PLXDC2: variants seen among roughly 807,000 people sequenced by gnomAD.
PLXDC2 encodes the protein plexin domain containing 2.
In PLXDC2, 40 loss-of-function variants were observed where a neutral mutation model predicts 68.9. The observed-to-expected ratio is 0.58, with a 90% confidence interval of 0.45 to 0.76. PLXDC2 has a LOEUF of 0.76. Ranked by LOEUF, PLXDC2 falls within the 30% of genes least tolerant of loss-of-function variation. The pLI, the probability that PLXDC2 is intolerant of heterozygous loss-of-function variation, is 0.00. For synonymous variants in PLXDC2, 243 were observed against 234.2 expected, an observed-to-expected ratio of 1.04 and a Z score of -0.34; for missense variants, 644 against 661.9, an observed-to-expected ratio of 0.97 and a Z score of 0.30.
intron 1 of PLXDC2, among the ~76,000 whole-genome samples, chr10:19,841,422 G>A (rs1052023783): frequency 6.6e-6 from 1 of 151,772 alleles, no homozygotes; most frequent in Non-Finnish European, 1.5e-5. Flanking sequence ...AGTTATGAAG[G>A]CAATTCTGTT....
chr10:20,222,471 A>G (rs1433514575), intron 12 of PLXDC2, among the ~76,000 whole-genome samples: 1 of 152,204 alleles, frequency 6.6e-6, no homozygotes, highest in Non-Finnish European at 1.5e-5. Flanking sequence ...ATACATTTAT[A>G]TTAGGTCCAG....
At chr10:20,071,896 A>G (rs1836321989) in intron 4 of PLXDC2, among the ~76,000 whole-genome samples, 1 of 152,190 alleles carries the variant, frequency 6.6e-6, no homozygotes. Flanking sequence ...GAGAAGGAAG[A>G]GGCATTCCAG....
chr10:19,965,163 G>A (rs1589559799), intron 1 of PLXDC2, among the ~76,000 whole-genome samples: 1 of 152,110 alleles, frequency 6.6e-6, no homozygotes, highest in Admixed American at 6.5e-5. Flanking sequence ...CTTTGCTTGA[G>A]GGTGCTATTA....
intron 4 of PLXDC2, among the ~76,000 whole-genome samples, chr10:20,103,900 C>G (rs1222246691): frequency 6.6e-6 from 1 of 152,134 alleles, no homozygotes; most frequent in Admixed American, 6.5e-5. Context: ...GCCTTGGCCG[C>G]CCAAAGTGCT....
At chr10:19,864,327 G>A (rs967830539) in intron 1 of PLXDC2, among the ~76,000 whole-genome samples, 2 of 152,068 alleles carry the variant, frequency 1.3e-5, no homozygotes, top group African/African-American at 2.4e-5. Flanking sequence ...TTGAATATAA[G>A]AAAGAATGAT....
chr10:20,186,509 ATC>A (rs1834685093), intron 9 of PLXDC2, among the ~76,000 whole-genome samples: 1 of 151,868 alleles, frequency 6.6e-6, no homozygotes, highest in South Asian at 2.1e-4. Flanking sequence ...TTATTTTGTC[ATC>A]CAGGTACTAA....
intron 12 of PLXDC2, among the ~76,000 whole-genome samples, chr10:20,241,350 C>G (rs889451931): frequency 6.6e-6 from 1 of 152,168 alleles, no homozygotes; most frequent in Non-Finnish European, 1.5e-5. Flanking sequence ...TTAAGTGAAA[C>G]ATGACCCTTG....
Position 20,217,579 on chromosome 10 carries a change from A to G in PLXDC2, c.1273+3A>G. 1 of 1,311,708 alleles carries G rather than the reference A, an allele frequency of 7.6e-7. No homozygotes were observed. Among genetic ancestry groups the G allele is most frequent in the Non-Finnish European group, 1.0e-6 (1 of 969,828 alleles). 81.3% of individuals were successfully genotyped at this position (1,311,708 alleles called of 1,614,324 possible). On this transcript the variant is annotated splice_donor_region_variant and intron_variant, in intron 11 of 13. Coordinates refer to ENST00000377252, the MANE Select transcript of PLXDC2 (RefSeq NM_032812.9). ...TCCCACCAGCCTCCCTACAGAAGGT[A>G]CCCAAGAGATAGTTTGCTTTTTTTT... is the stretch of plus-strand genomic sequence containing the variant.
rs1014971903 is a variant in PLXDC2 at position 20,067,506 on chromosome 10, C to T, written c.472-664C>T. 4.0e-5 allele frequency among the ~76,000 whole-genome samples: 6 copies of T among 151,784 alleles called. No homozygotes were observed. The East Asian group carries it at 5.8e-4, about 15-fold the overall frequency. ...TTCGAGACCAGCCCGGCCAACATGGCGAAACCCCATCTCTACTAAAAATAC... is the reference window on the plus strand; with the variant it reads ...TTCGAGACCAGCCCGGCCAACATGGTGAAACCCCATCTCTACTAAAAATAC... On this transcript the variant is annotated intron_variant, in intron 3 of 13. Coordinates refer to ENST00000377252, the MANE Select transcript of PLXDC2 (RefSeq NM_032812.9).
intron 7 of PLXDC2, among the ~76,000 whole-genome samples, chr10:20,172,325 G>A (rs142166416): frequency 2.5e-4 from 38 of 151,048 alleles, no homozygotes; most frequent in African/African-American, 8.5e-4. Flanking sequence ...AGGGAGGCAT[G>A]TTCCCCTGCA....
intron 13 of PLXDC2, among the ~76,000 whole-genome samples, chr10:20,267,544 C>G (rs1835886609): frequency 6.6e-6 from 1 of 152,124 alleles, no homozygotes; most frequent in South Asian, 2.1e-4. Context: ...AATTTGCTGA[C>G]TCTCCCAAGC....
At position 19,952,423 on chromosome 10, in the gene PLXDC2, T is replaced by A. The variant is rs139463271; in HGVS notation, c.113-49352T>A. 2.9e-3 allele frequency among the ~76,000 whole-genome samples: 448 copies of A among 152,320 alleles called. 1 individual carries two copies. Among genetic ancestry groups the A allele is most frequent in the African/African-American group, 0.01 (426 of 41,566 alleles). ...AAGTAATGAAAATCAACCGTCTAAA[T>A]TCATTCAACCTTAATTGAATAAATA... On this transcript the variant is annotated intron_variant, in intron 1 of 13. Transcript: ENST00000377252.
intron 13 of PLXDC2, among the ~76,000 whole-genome samples, chr10:20,250,190 C>T (rs1020061780): frequency 6.7e-6 from 1 of 150,028 alleles, no homozygotes; most frequent in African/African-American, 2.5e-5. Context: ...ATCATTTGAA[C>T]CTGGGAGGTG....
intron 1 of PLXDC2, among the ~76,000 whole-genome samples, chr10:19,849,463 C>T (rs1318717874): frequency 1.3e-5 from 2 of 152,162 alleles, no homozygotes; most frequent in African/African-American, 2.4e-5. Context: ...ATAATCCCCA[C>T]GTGTCTTGGG....
intron 2 of PLXDC2, among the ~76,000 whole-genome samples, chr10:20,035,125 G>A (rs1284153672): frequency 6.6e-6 from 1 of 152,110 alleles, no homozygotes; most frequent in Non-Finnish European, 1.5e-5. Context: ...CTTCCGTTTT[G>A]TAATCTTGAA....
At chr10:19,980,015 A>G (rs1403292732) in intron 1 of PLXDC2, among the ~76,000 whole-genome samples, 1 of 152,210 alleles carries the variant, frequency 6.6e-6, no homozygotes, top group Admixed American at 6.5e-5. Flanking sequence ...ATTTGAAGTA[A>G]TATAAAAGCA....
chr10:20,036,259 G>A (rs943272358), intron 2 of PLXDC2, among the ~76,000 whole-genome samples: 2 of 152,122 alleles, frequency 1.3e-5, no homozygotes, highest in African/African-American at 4.8e-5. Flanking sequence ...CCATAAGGGT[G>A]GGGCCCTAAT....
intron 13 of PLXDC2, among the ~76,000 whole-genome samples, chr10:20,249,344 T>A (rs1835640476): frequency 6.6e-6 from 1 of 152,170 alleles, no homozygotes; most frequent in Admixed American, 6.5e-5. Context: ...TTGTAACAAA[T>A]TGCCACAAAC....
At chr10:20,057,349 G>T (rs1042252382) in intron 3 of PLXDC2, among the ~76,000 whole-genome samples, 1 of 152,060 alleles carries the variant, frequency 6.6e-6, no homozygotes, top group African/African-American at 2.4e-5. Context: ...TTCCTGGGTA[G>T]GTTAGTATTT....
Sources: gnomAD v4.1 joint callset for allele counts (sites outside exome capture counted in the v4.1 genomes callset) on GRCh38, gnomAD v4.1.1 for gene constraint, MANE v1.5 for transcripts, NCBI Gene and HGNC (gene_info 2026-07-23, HGNC 2026-07-21) for gene names.